PHLPP1: variants seen among roughly 807,000 people sequenced by gnomAD.
The protein encoded by PHLPP1 is PH domain leucine-rich repeat-containing protein phosphatase 1.
PHLPP1 carries 42 observed loss-of-function variants against 117.2 expected under a neutral mutation model. That is an observed-to-expected ratio of 0.36 (90% CI 0.28 to 0.46). PHLPP1 has a LOEUF of 0.46. PHLPP1 is among the 20% of genes least tolerant of loss of function. PHLPP1 has a pLI of 1.00. For missense variants in PHLPP1, 2,084 were observed against 2,241.9 expected (o/e 0.93, Z 1.42); for synonymous variants, 1,042 against 970.7 (o/e 1.07, Z -1.37).
At chr18:62,949,296 T>TA (rs1910386157) in intron 12 of PHLPP1, among the ~76,000 whole-genome samples, 1 of 152,236 alleles carries the variant, frequency 6.6e-6, no homozygotes, top group Non-Finnish European at 1.5e-5. Context: ...ACCAAAGTTT[T>TA]AAAAACAGTT....
At chr18:62,879,331 A>G (rs921228840) in intron 4 of PHLPP1, among the ~76,000 whole-genome samples, 3 of 152,148 alleles carry the variant, frequency 2.0e-5, no homozygotes, top group Non-Finnish European at 2.9e-5. Context: ...GCATCTTGAA[A>G]TTGGACTTCC....
rs1911305448 is a variant in PHLPP1 at position 62,979,287 on chromosome 18, G to A, written c.5010G>A (p.Leu1670=). Residue 1670 remains leucine, a synonymous_variant, in exon 17 of 17, where the codon CTG becomes CTA. Transcript: ENST00000262719. ...ATCAGTTTATCATACCCCCGGAGCT[G>A]GAAGAGGAGGTCAAAGAAATCATGA... ...PDDQFIIPPE[L]EEEVKEIMKH... 1 of 1,558,696 alleles carries A rather than the reference G, an allele frequency of 6.4e-7. No homozygotes were observed. The highest frequency in any genetic ancestry group is 8.7e-7 in the Non-Finnish European group (1 of 1,150,888).
At chr18:62,974,569 C>A (rs187999926) in intron 15 of PHLPP1, among the ~76,000 whole-genome samples, 109 of 152,268 alleles carry the variant, frequency 7.2e-4, no homozygotes, top group African/African-American at 2.6e-3. Context: ...TGGGGCTTGC[C>A]ATAGTTGTTC....
intron 12 of PHLPP1, among the ~76,000 whole-genome samples, chr18:62,946,140 G>C (rs1910274879): frequency 1.3e-5 from 2 of 152,188 alleles, no homozygotes; most frequent in Admixed American, 6.5e-5. Flanking sequence ...TCCTAACAGG[G>C]AACAAGAGCA....
intron 1 of PHLPP1, among the ~76,000 whole-genome samples, chr18:62,719,674 A>C (rs1910860386): frequency 6.6e-6 from 1 of 152,172 alleles, no homozygotes; most frequent in Non-Finnish European, 1.5e-5. Context: ...TGGTAATTTT[A>C]TACATAACTT....
At chr18:62,830,676 G>A (rs1004813215) in intron 2 of PHLPP1, among the ~76,000 whole-genome samples, 5 of 152,132 alleles carry the variant, frequency 3.3e-5, no homozygotes, top group Admixed American at 2.0e-4. Flanking sequence ...TTGTCGGTTG[G>A]TGGAGCTGTG....
chr18:62,839,008 C>T, intron 3 of PHLPP1, 99 bp downstream of exon 3: 1 of 1,257,602 alleles, frequency 8.0e-7, no homozygotes. Flanking sequence ...GTTACACACA[C>T]TTTTTTTTTC....
chr18:62,715,583 C>G lies in PHLPP1; in HGVS notation c.-101C>G, dbSNP rs113217057. ...GCCGCGCACAACGCCATTGGCTTCT[C>G]CCTTCTCCGCGCGCCGCCGCCGTCT... On this transcript the variant is annotated 5_prime_UTR_variant, in exon 1 of 17. Transcript: ENST00000262719. The G allele has an allele frequency of 2.9e-6, 2 of 682,010 alleles. No homozygotes were observed. Among genetic ancestry groups the G allele is most frequent in the Non-Finnish European group, 4.1e-6 (2 of 483,134 alleles). 42.2% of individuals were successfully genotyped at this position (682,010 alleles called of 1,614,324 possible).
chr18:62,842,320 A>C (rs1318206288), intron 3 of PHLPP1, among the ~76,000 whole-genome samples: 1 of 151,752 alleles, frequency 6.6e-6, no homozygotes, highest in Non-Finnish European at 1.5e-5. Context: ...TTTCCTCCTG[A>C]GAAGTTGGGG....
chr18:62,929,756 TG>T (rs1909753116), intron 10 of PHLPP1, among the ~76,000 whole-genome samples: 1 of 152,148 alleles, frequency 6.6e-6, no homozygotes, highest in African/African-American at 2.4e-5. Flanking sequence ...GAGACAAGCC[TG>T]GGCAACATAG....
intron 4 of PHLPP1, among the ~76,000 whole-genome samples, chr18:62,880,458 G>C (rs187298405): frequency 6.6e-6 from 1 of 152,236 alleles, no homozygotes; most frequent in Admixed American, 6.5e-5. Context: ...CCTTTGGTTT[G>C]AGAAGAGGAG....
intron 3 of PHLPP1, among the ~76,000 whole-genome samples, chr18:62,855,172 A>G (rs1012712904): frequency 2.0e-5 from 3 of 152,260 alleles, no homozygotes; most frequent in African/African-American, 7.2e-5. Context: ...CACTACTTAA[A>G]TGTTAACTAT....
intron 1 of PHLPP1, among the ~76,000 whole-genome samples, chr18:62,800,374 A>G (rs547256358): frequency 1.3e-5 from 2 of 152,320 alleles, no homozygotes; most frequent in Non-Finnish European, 2.9e-5. Context: ...ATTTGGGTCA[A>G]CTGTATAGTT....
intron 1 of PHLPP1, among the ~76,000 whole-genome samples, chr18:62,717,558 C>T (rs1357260080): frequency 6.6e-6 from 1 of 152,128 alleles, no homozygotes; most frequent in African/African-American, 2.4e-5. Flanking sequence ...CACCTTTAAC[C>T]ATAAAGGTGC....
intron 14 of PHLPP1, among the ~76,000 whole-genome samples, chr18:62,968,983 T>C (rs557269091): frequency 6.6e-6 from 1 of 152,330 alleles, no homozygotes; most frequent in Middle Eastern, 3.4e-3. Flanking sequence ...AGATTTTTTG[T>C]TTTACTGATA....
chr18:62,945,360 T>C (rs1910250765), intron 12 of PHLPP1, 89 bp downstream of exon 12: 2 of 1,120,428 alleles, frequency 1.8e-6, no homozygotes, highest in South Asian at 1.8e-5. Context: ...TTTGCATCTT[T>C]GTTGGATTTA....
intron 3 of PHLPP1, among the ~76,000 whole-genome samples, chr18:62,850,217 GTC>G (rs1344912267): frequency 6.6e-6 from 1 of 151,612 alleles, no homozygotes; most frequent in Non-Finnish European, 1.5e-5. Context: ...GTGAAACCCT[GTC>G]TCTACTAAAA....
intron 12 of PHLPP1, among the ~76,000 whole-genome samples, chr18:62,956,602 A>T (rs1233321389): frequency 1.3e-5 from 2 of 152,168 alleles, no homozygotes; most frequent in Admixed American, 6.5e-5. Flanking sequence ...GCTTTTAAAA[A>T]ATATATATGA....
Position 62,715,593 on chromosome 18 carries a change from C to A in PHLPP1, c.-91C>A. 1 of 810,158 alleles carries A rather than the reference C, an allele frequency of 1.2e-6. No homozygotes were observed. Among genetic ancestry groups the A allele is most frequent in the Non-Finnish European group, 1.7e-6 (1 of 598,542 alleles). 50.2% of individuals were successfully genotyped at this position (810,158 alleles called of 1,614,324 possible). A position where few individuals can be genotyped will look rare whatever the true frequency, so the allele number is the denominator to read the frequency against. On this transcript the variant is annotated 5_prime_UTR_variant, in exon 1 of 17. Coordinates refer to ENST00000262719, the MANE Select transcript of PHLPP1 (RefSeq NM_194449.4). ...ACGCCATTGGCTTCTCCCTTCTCCG[C>A]GCGCCGCCGCCGTCTCCCACCTCCG...
Sources: allele counts gnomAD v4.1 joint callset (sites outside exome capture counted in the v4.1 genomes callset), GRCh38; gene constraint gnomAD v4.1.1; transcripts MANE v1.5; gene names NCBI Gene and HGNC (gene_info 2026-07-23, HGNC 2026-07-21).